AXDND1: variants seen among roughly 807,000 people sequenced by gnomAD.
AXDND1 encodes the protein axonemal dynein light chain domain-containing protein 1.
Under a neutral mutation model 137.5 loss-of-function variants are expected in AXDND1, and 110 were observed. That is an observed-to-expected ratio of 0.80 (90% CI 0.69 to 0.94). The LOEUF (loss-of-function observed/expected upper bound fraction) is 0.94, where lower values mean the gene tolerates loss of function less well. Among genes scored for constraint, AXDND1 ranks in the 40% least tolerant of loss-of-function variants. AXDND1 has a pLI of 0.00. For synonymous variants in AXDND1, 414 were observed against 399.7 expected (o/e 1.04, Z -0.43); for missense variants, 1,191 against 1,169.8 (o/e 1.02, Z -0.26).
intron 25 of AXDND1, chr1:179,551,240 G>C: frequency 6.2e-7 from 1 of 1,614,084 alleles, no homozygotes; most frequent in South Asian, 1.1e-5. Context: ...ACTTGGGAAG[G>C]GGAGGCTTCC....
intron 20 of AXDND1, among the ~76,000 whole-genome samples, chr1:179,503,134 A>G (rs917205835): frequency 6.6e-6 from 1 of 152,016 alleles, no homozygotes; most frequent in African/African-American, 2.4e-5. Flanking sequence ...TATTTCTAGA[A>G]GTATCCTCAA....
rs1571547897 is a variant in AXDND1, at chr1:179,378,658, T to C, written c.396T>C (p.Asp132=). 1 of 1,590,240 alleles carries C rather than the reference T, an allele frequency of 6.3e-7. No homozygotes were observed. The highest frequency in any genetic ancestry group is 1.2e-5 in the South Asian group (1 of 86,710). The part of the protein sequence containing the change: ...GAGRDISFLY[D]VTYAKGQTRE... ...TTAGGGATATTTCTTTTCTGTACGA[T>C]GTAACATATGCCAAAGGACAGACTA... The change falls in exon 5 of 26, where the codon GAT becomes GAC. Residue 132 remains aspartate, a synonymous_variant. Transcript: ENST00000367618.
At chr1:179,509,575 A>G (rs1489532013) in intron 21 of AXDND1, among the ~76,000 whole-genome samples, 172 bp downstream of exon 21, 6 of 152,172 alleles carry the variant, frequency 3.9e-5, no homozygotes, top group Non-Finnish European at 8.8e-5. Flanking sequence ...TCTAAGGAAT[A>G]GAATCATCCA....
chr1:179,399,654 A>G (rs1265988203), intron 11 of AXDND1, among the ~76,000 whole-genome samples: 3 of 152,244 alleles, frequency 2.0e-5, no homozygotes, highest in Non-Finnish European at 2.9e-5. Flanking sequence ...ACAGAATGGG[A>G]GAAAATCTTC....
At chr1:179,459,147 C>T (rs1661843786) in intron 16 of AXDND1, among the ~76,000 whole-genome samples, 1 of 152,078 alleles carries the variant, frequency 6.6e-6, no homozygotes, top group Admixed American at 6.5e-5. Context: ...TAGTTTTTAT[C>T]ACCTCAAGAA....
intron 23 of AXDND1, among the ~76,000 whole-genome samples, chr1:179,532,538 G>C (rs1671128937): frequency 6.6e-6 from 1 of 152,140 alleles, no homozygotes; most frequent in African/African-American, 2.4e-5. Context: ...CAACAAAACA[G>C]AAAGAGAAAA....
chr1:179,511,393 G>GGTGTGTGT lies in AXDND1; in HGVS notation c.2496+2013_2496+2020dup, dbSNP rs59772845. 9.0e-3 allele frequency among the ~76,000 whole-genome samples: 1,313 copies of GGTGTGTGT among 145,104 alleles called. 13 individuals carry two copies. Among genetic ancestry groups the GGTGTGTGT allele is most frequent in the African/African-American group, 0.019 (758 of 39,306 alleles). On this transcript the variant is annotated intron_variant, in intron 21 of 25. Coordinates refer to ENST00000367618, the MANE Select transcript of AXDND1 (RefSeq NM_144696.6). ...TATATACATAGTATATGGTATATGG[G>GGTGTGTGT]GTGTGTGTGTGTGTGTGTGTGTGTG...
At chr1:179,488,831 T>C (rs1666506365) in intron 18 of AXDND1, among the ~76,000 whole-genome samples, 1 of 145,236 alleles carries the variant, frequency 6.9e-6, no homozygotes, top group African/African-American at 2.7e-5. Context: ...GCCTCCTGGA[T>C]TCAAGTGATT....
In AXDND1 at chr1:179,370,092, A is replaced by G. The variant is rs1558079992; in HGVS notation, c.374+14A>G. The G allele has an allele frequency of 1.9e-6, 3 of 1,573,392 alleles. No individual in the cohort carries two copies. Among genetic ancestry groups the G allele is most frequent in the Non-Finnish European group, 2.6e-6 (3 of 1,144,592 alleles). On this transcript the variant is annotated intron_variant, in intron 4 of 25. Coordinates refer to ENST00000367618, the MANE Select transcript of AXDND1 (RefSeq NM_144696.6). ...AGGAGCTGGAAGGTAAAGAAGGAAG[A>G]TAGTAGGATAGATGCTGATAAATAG...
intron 12 of AXDND1, among the ~76,000 whole-genome samples, chr1:179,425,926 T>C (rs1432069826): frequency 1.4e-5 from 2 of 145,728 alleles, no homozygotes; most frequent in Non-Finnish European, 3.0e-5. Context: ...AACCTCTGCC[T>C]CCCGGGTTCA....
intron 21 of AXDND1, among the ~76,000 whole-genome samples, chr1:179,520,167 G>A (rs1317671653): frequency 1.3e-5 from 2 of 152,100 alleles, no homozygotes; most frequent in African/African-American, 4.8e-5. Context: ...GAGTTCATTT[G>A]TGATTTGGCT....
intron 21 of AXDND1, among the ~76,000 whole-genome samples, chr1:179,522,268 T>A (rs909366790): frequency 2.0e-5 from 3 of 152,194 alleles, no homozygotes; most frequent in Non-Finnish European, 4.4e-5. Context: ...TCATCTGCCA[T>A]TAAACCTTTC....
intron 22 of AXDND1, among the ~76,000 whole-genome samples, chr1:179,525,775 T>A (rs938371064): frequency 3.3e-5 from 5 of 150,008 alleles, no homozygotes; most frequent in Non-Finnish European, 7.4e-5. Flanking sequence ...ATTACAGATA[T>A]GAGCCACCAT....
intron 9 of AXDND1, among the ~76,000 whole-genome samples, chr1:179,392,719 A>G (rs563108480): frequency 6.6e-6 from 1 of 152,290 alleles, no homozygotes; most frequent in East Asian, 1.9e-4. Flanking sequence ...TTTCTTGATA[A>G]TTAGTGATGT....
intron 20 of AXDND1, among the ~76,000 whole-genome samples, chr1:179,495,082 C>T (rs186629938): frequency 3.0e-4 from 45 of 152,140 alleles, no homozygotes; most frequent in African/African-American, 1.0e-3. Context: ...ACATTGTCAC[C>T]GTCTCCAAAC....
At position 179,445,041 on chromosome 1, in the gene AXDND1, TA is replaced by T. The variant is rs778257412; in HGVS notation, c.1638del (p.Lys546AsnfsTer48). 8.1e-6 allele frequency: 13 copies of T among 1,613,370 alleles called. No individual in the cohort carries two copies. Among genetic ancestry groups the T allele is most frequent in the African/African-American group, 1.3e-5 (1 of 74,894 alleles). On this transcript the variant is annotated frameshift_variant, in exon 16 of 26. Transcript: ENST00000367618. LOFTEE classifies it high-confidence loss of function. ...CAAAATACGATACTCTCAAGATTAT[TA>T]AACATTTACAGGAAAACTGGGCAGA... ...LSKYDTLKIIKHLQENWADIG... is the reference protein window; with the variant it reads ...LSKYDTLKIIXHLQENWADIG...
chr1:179,478,711 C>G (rs1394071898), intron 17 of AXDND1, among the ~76,000 whole-genome samples: 1 of 152,246 alleles, frequency 6.6e-6, no homozygotes, highest in African/African-American at 2.4e-5. Flanking sequence ...ATTTCTGCAG[C>G]TGTCTTCAAT....
chr1:179,367,370 G>C (rs191933885), intron 2 of AXDND1, among the ~76,000 whole-genome samples: 5 of 151,736 alleles, frequency 3.3e-5, no homozygotes, highest in South Asian at 2.1e-4. Context: ...AAAAATTAGG[G>C]GGGGCGTGGT....
At position 179,421,035 on chromosome 1, in the gene AXDND1, C is replaced by CCCTTCCTTCCTT. The variant is rs143579938; in HGVS notation, c.1231-8434_1231-8423dup. 9.8e-4 allele frequency among the ~76,000 whole-genome samples: 132 copies of CCCTTCCTTCCTT among 134,788 alleles called. 2 individuals are homozygous for CCCTTCCTTCCTT. The highest frequency in any genetic ancestry group is 7.8e-3 in the East Asian group (36 of 4,624). The allele number at this position is 134,788 out of a possible 152,430, so 88.4% of individuals were successfully genotyped here. A position where few individuals can be genotyped will look rare whatever the true frequency, so the allele number is the denominator to read the frequency against. On this transcript the variant is annotated intron_variant, in intron 12 of 25. Transcript: ENST00000367618. The stretch of plus-strand genomic sequence containing the variant: ...TTCGTTTCTTATTCTATTTGGGTAT[C>CCCTTCCTTCCTT]CCTTCCTTCCTTCCTTCCTTCCTTC...
Sources: gnomAD v4.1 joint callset for allele counts (sites outside exome capture counted in the v4.1 genomes callset) on GRCh38, gnomAD v4.1.1 for gene constraint, MANE v1.5 for transcripts, NCBI Gene and HGNC (gene_info 2026-07-23, HGNC 2026-07-21) for gene names.